VPS13B: variants seen among roughly 807,000 people sequenced by gnomAD.
VPS13B encodes the protein vacuolar protein sorting 13 homolog B.
VPS13B carries 285 observed loss-of-function variants against 426.4 expected under a neutral mutation model. That is an observed-to-expected ratio of 0.67 (90% CI 0.61 to 0.74). The LOEUF (loss-of-function observed/expected upper bound fraction) is 0.74. Ranked by LOEUF, VPS13B falls within the 30% of genes least tolerant of loss-of-function variation. The pLI is 0.00. For missense variants in VPS13B, 4,537 were observed against 4,782.6 expected, an observed-to-expected ratio of 0.95 and a Z score of 1.51; for synonymous variants, 1,676 against 1,676.4, an observed-to-expected ratio of 1.00 and a Z score of 0.01.
intron 30 of VPS13B, chr8:99,527,710 T>A (rs187376748): frequency 1.2e-3 from 185 of 152,260 alleles, no homozygotes; most frequent in African/African-American, 3.7e-3. Context: ...GGCAGATTTT[T>A]AAAAATTACC....
rs1218340756 is a variant in VPS13B, at chr8:99,603,810, G to T, written c.5220+26177G>T. On this transcript the variant is annotated intron_variant, in intron 33 of 61. Transcript: ENST00000357162. The stretch of plus-strand genomic sequence containing the variant: ...GTAGATTCACAGGTTTTGTTAATAG[G>T]TATTTGAAACATGCCCATTTGATGA... 2.0e-5 allele frequency among the ~76,000 whole-genome samples: 3 copies of T among 152,184 alleles called. No homozygotes were observed. The South Asian group carries it at 6.2e-4, about 32-fold the overall frequency.
At chr8:99,157,763 C>T (rs1159391092) in intron 15 of VPS13B, among the ~76,000 whole-genome samples, 3 of 152,070 alleles carry the variant, frequency 2.0e-5, no homozygotes, top group South Asian at 2.1e-4. Flanking sequence ...GCCTCTTTTG[C>T]AAAACAGCCA....
intron 25 of VPS13B, among the ~76,000 whole-genome samples, chr8:99,483,881 A>G (rs1453734966): frequency 6.6e-6 from 1 of 152,142 alleles, no homozygotes; most frequent in African/African-American, 2.4e-5. Context: ...GTATAGTGTG[A>G]ATCCTACACT....
intron 19 of VPS13B, among the ~76,000 whole-genome samples, chr8:99,354,822 C>T (rs1445064339): frequency 6.6e-6 from 1 of 152,082 alleles, no homozygotes; most frequent in Admixed American, 6.6e-5. Context: ...CTCCCAAAGT[C>T]CTAGGATTAT....
chr8:99,868,508 G>A (rs758216714), intron 59 of VPS13B, 43 bp downstream of exon 59: 1 of 1,570,420 alleles, frequency 6.4e-7, no homozygotes, highest in Non-Finnish European at 8.6e-7. Context: ...AGACGTTACT[G>A]ATTTGCATGC....
chr8:99,069,172 C>T (rs1485144122), intron 3 of VPS13B, among the ~76,000 whole-genome samples: 2 of 152,124 alleles, frequency 1.3e-5, no homozygotes, highest in Non-Finnish European at 2.9e-5. Context: ...GTGGCTCACT[C>T]CTGTAATCCC....
intron 2 of VPS13B, among the ~76,000 whole-genome samples, chr8:99,015,518 C>G (rs1192575170): frequency 6.6e-6 from 1 of 151,484 alleles, no homozygotes; most frequent in African/African-American, 2.4e-5. Flanking sequence ...GCCTGGCCAA[C>G]AGCTCAATTT....
chr8:99,245,676 G>T (rs1395234406), intron 17 of VPS13B, among the ~76,000 whole-genome samples: 1 of 152,100 alleles, frequency 6.6e-6, no homozygotes, highest in Non-Finnish European at 1.5e-5. Context: ...CAAGTAGCTG[G>T]GATTACAGGC....
intron 17 of VPS13B, among the ~76,000 whole-genome samples, chr8:99,266,091 T>C (rs1293472403): frequency 1.3e-5 from 2 of 152,134 alleles, no homozygotes; most frequent in Non-Finnish European, 2.9e-5. Context: ...TCATTTAATA[T>C]GTACATCATA....
Position 99,182,846 on chromosome 8 carries a change from C to T in VPS13B, c.2334-10030C>T, listed in dbSNP as rs1012670072. Among the ~76,000 whole-genome samples the T allele has an allele frequency of 8.5e-5, 13 of 152,336 alleles. No homozygotes were observed. In the South Asian group the frequency reaches 2.1e-3, roughly 24 times the overall value. ...CTTTCTCCCAGGTTCAAGAGATTCC[C>T]GGGCCTCAGCCTTCTGAGTAGCTGG... On this transcript the variant is annotated intron_variant, in intron 16 of 61. Transcript: ENST00000357162.
intron 18 of VPS13B, 105 bp from the exon 19 acceptor site, chr8:99,274,976 T>G: frequency 9.8e-7 from 1 of 1,022,234 alleles, no homozygotes; most frequent in Non-Finnish European, 1.4e-6. Flanking sequence ...TATTATCAAA[T>G]AAAGTTGAAA....
intron 40 of VPS13B, among the ~76,000 whole-genome samples, chr8:99,772,432 G>GC (rs1406605098): frequency 2.0e-5 from 3 of 152,172 alleles, no homozygotes; most frequent in Non-Finnish European, 4.4e-5. Flanking sequence ...TTCATAAAGA[G>GC]CATAGTGGTG....
intron 14 of VPS13B, among the ~76,000 whole-genome samples, chr8:99,148,532 T>C (rs1032801589): frequency 6.6e-6 from 1 of 152,134 alleles, no homozygotes; most frequent in African/African-American, 2.4e-5. Flanking sequence ...TAAAGAAATG[T>C]TGAAGAATAT....
intron 14 of VPS13B, among the ~76,000 whole-genome samples, chr8:99,152,410 C>CT (rs1156387502): frequency 6.6e-6 from 1 of 152,228 alleles, no homozygotes; most frequent in African/African-American, 2.4e-5. Context: ...TGTTTTGTGG[C>CT]TTAGAATGTG....
Position 99,076,724 on chromosome 8 carries a change from T to A in VPS13B, c.292-19588T>A, listed in dbSNP as rs144266667. ...TATATGCAATATCTTTTTCCATTCC[T>A]GTACTTCTAGTCTATGTGTATTTAC... On this transcript the variant is annotated intron_variant, in intron 3 of 61. Transcript: ENST00000357162. Among the ~76,000 whole-genome samples, 581 of 152,152 alleles carry A rather than the reference T, an allele frequency of 3.8e-3. 6 individuals are homozygous for A. The highest frequency in any genetic ancestry group is 0.013 in the African/African-American group (555 of 41,536).
At chr8:99,305,886 T>TTATCAG (rs1425621952) in intron 19 of VPS13B, among the ~76,000 whole-genome samples, 1 of 152,120 alleles carries the variant, frequency 6.6e-6, no homozygotes, top group East Asian at 1.9e-4. Context: ...GGTTTATCAC[T>TTATCAG]TTGGTGTTAA....
Position 99,384,189 on chromosome 8 carries a change from TA to T in VPS13B, c.2825-14del. The T allele has an allele frequency of 1.2e-6, 2 of 1,602,260 alleles. No individual in the cohort carries two copies. Among genetic ancestry groups the T allele is most frequent in the Non-Finnish European group, 1.7e-6 (2 of 1,169,436 alleles). ...TTTTATGAGGACTTATGTAACAGTT[TA>T]AAAATCTTGTCTTTTAGGTGCTGTA... is the stretch of plus-strand genomic sequence containing the variant. On this transcript the variant is annotated intron_variant, in intron 19 of 61. Coordinates refer to ENST00000357162, the MANE Select transcript of VPS13B (RefSeq NM_152564.5).
chr8:99,290,657 TA>T lies in VPS13B; in HGVS notation c.2824+15415del, dbSNP rs1279029566. On this transcript the variant is annotated intron_variant, in intron 19 of 61. Coordinates refer to ENST00000357162, the MANE Select transcript of VPS13B (RefSeq NM_152564.5). ...TACCCTAGAACTTAAAGTATAATAATAAAAAAAAAAAAGAAAAAAAAGGTAG... is the reference window on the plus strand; with the variant it reads ...TACCCTAGAACTTAAAGTATAATAATAAAAAAAAAAAGAAAAAAAAGGTAG... Among the ~76,000 whole-genome samples the T allele has an allele frequency of 7.6e-3, 754 of 99,730 alleles. 3 individuals carry two copies. Among genetic ancestry groups the T allele is most frequent in the African/African-American group, 0.021 (572 of 26,824 alleles). 65.4% of individuals were successfully genotyped at this position (99,730 alleles called of 152,430 possible).
intron 3 of VPS13B, among the ~76,000 whole-genome samples, chr8:99,065,426 A>G (rs1346946925): frequency 1.3e-5 from 2 of 152,230 alleles, no homozygotes; most frequent in African/African-American, 4.8e-5. Context: ...TGATCGTCTC[A>G]ATGGATGCAG....
Sources: allele counts gnomAD v4.1 joint callset (sites outside exome capture counted in the v4.1 genomes callset), GRCh38; gene constraint gnomAD v4.1.1; transcripts MANE v1.5; gene names NCBI Gene and HGNC (gene_info 2026-07-23, HGNC 2026-07-21).